ZNF804B: variants seen among roughly 807,000 people sequenced by gnomAD.
The protein encoded by ZNF804B is zinc finger protein 804B.
A neutral mutation model predicts 101.4 loss-of-function variants in ZNF804B; 80 were observed. The ratio of observed to expected loss-of-function variants is 0.79; its 90% CI spans 0.66 to 0.95. ZNF804B has a LOEUF of 0.95. Ranked by LOEUF, ZNF804B falls within the 40% of genes least tolerant of loss-of-function variation. The pLI is 0.00. For missense variants in ZNF804B, 1,673 were observed against 1,561.9 expected, an observed-to-expected ratio of 1.07 and a Z score of -1.20; for synonymous variants, 622 against 558.8, an observed-to-expected ratio of 1.11 and a Z score of -1.59.
intron 1 of ZNF804B, among the ~76,000 whole-genome samples, chr7:88,865,115 C>A (rs1791706905): frequency 6.6e-6 from 1 of 151,470 alleles, no homozygotes; most frequent in African/African-American, 2.4e-5. Context: ...GTAATCCCAG[C>A]TACTTGGGAG....
At chr7:89,002,619 T>A (rs1008394661) in intron 1 of ZNF804B, among the ~76,000 whole-genome samples, 3 of 151,900 alleles carry the variant, frequency 2.0e-5, no homozygotes, top group African/African-American at 7.2e-5. Context: ...GTAGTCATTT[T>A]ATCTACTATC....
At chr7:88,901,658 GA>G (rs981312114) in intron 1 of ZNF804B, among the ~76,000 whole-genome samples, 3 of 151,132 alleles carry the variant, frequency 2.0e-5, no homozygotes, top group Admixed American at 6.6e-5. Context: ...GAGAAAGAGA[GA>G]AAAAAAAGAG....
chr7:89,189,214 C>T (rs1208511816), intron 1 of ZNF804B, among the ~76,000 whole-genome samples: 2 of 152,218 alleles, frequency 1.3e-5, no homozygotes, highest in African/African-American at 4.8e-5. Context: ...CAACATTTTA[C>T]ATCATGGCTT....
chr7:88,948,393 C>T (rs1197872613), intron 1 of ZNF804B, among the ~76,000 whole-genome samples: 2 of 148,498 alleles, frequency 1.3e-5, no homozygotes, highest in Non-Finnish European at 3.0e-5. Context: ...CCATCGCAGC[C>T]TCAACCTCCA....
At chr7:88,830,228 T>C (rs1791111114) in intron 1 of ZNF804B, among the ~76,000 whole-genome samples, 1 of 152,142 alleles carries the variant, frequency 6.6e-6, no homozygotes, top group African/African-American at 2.4e-5. Context: ...TCAAATTATG[T>C]AATTAAAATG....
intron 1 of ZNF804B, among the ~76,000 whole-genome samples, chr7:88,860,405 T>C (rs1791628660): frequency 6.6e-6 from 1 of 152,150 alleles, no homozygotes; most frequent in Non-Finnish European, 1.5e-5. Context: ...ATACAATAAG[T>C]GAATTAAAAT....
At chr7:89,225,021 C>A (rs895747691) in intron 2 of ZNF804B, among the ~76,000 whole-genome samples, 1 of 152,054 alleles carries the variant, frequency 6.6e-6, no homozygotes, top group Admixed American at 6.6e-5. Flanking sequence ...CTGGCTATAG[C>A]TGACTGTTCC....
chr7:89,246,709 C>T (rs1789453026), intron 2 of ZNF804B, among the ~76,000 whole-genome samples: 1 of 152,150 alleles, frequency 6.6e-6, no homozygotes. Flanking sequence ...GATCTCCAGA[C>T]ATTCTGAGCA....
chr7:89,170,948 A>G (rs1791214731), intron 1 of ZNF804B, among the ~76,000 whole-genome samples: 1 of 152,188 alleles, frequency 6.6e-6, no homozygotes, highest in South Asian at 2.1e-4. Context: ...CAGCCCCAAA[A>G]CAAACATCTC....
intron 2 of ZNF804B, among the ~76,000 whole-genome samples, chr7:89,313,538 A>G (rs2115951037): frequency 6.6e-6 from 1 of 152,320 alleles, no homozygotes; most frequent in South Asian, 2.1e-4. Context: ...CCTAACACAT[A>G]GAGACTTACT....
intron 1 of ZNF804B, among the ~76,000 whole-genome samples, chr7:89,001,843 A>G (rs1383503433): frequency 6.6e-6 from 1 of 151,854 alleles, no homozygotes; most frequent in Admixed American, 6.6e-5. Flanking sequence ...TTTTTTGGGC[A>G]TTTTGAAAGT....
At chr7:88,919,166 C>G (rs1282602821) in intron 1 of ZNF804B, among the ~76,000 whole-genome samples, 1 of 152,020 alleles carries the variant, frequency 6.6e-6, no homozygotes, top group East Asian at 1.9e-4. Flanking sequence ...GCCTTTCTTC[C>G]CTACTTGGGG....
chr7:89,270,745 G>T (rs1175645248), intron 2 of ZNF804B, among the ~76,000 whole-genome samples: 1 of 152,120 alleles, frequency 6.6e-6, no homozygotes, highest in East Asian at 1.9e-4. Context: ...ATTTCGTTGA[G>T]CAATGGTTTG....
At chr7:89,206,096 C>G (rs1156571338) in intron 1 of ZNF804B, among the ~76,000 whole-genome samples, 6 of 152,218 alleles carry the variant, frequency 3.9e-5, no homozygotes, top group Non-Finnish European at 8.8e-5. Flanking sequence ...ACTTTGTCCA[C>G]TTTTAGCCAT....
rs773440162 is a variant in ZNF804B at position 88,852,329 on chromosome 7, G to A, written c.108+92245G>A. Among the ~76,000 whole-genome samples, 6 of 151,992 alleles carry A rather than the reference G, an allele frequency of 3.9e-5. No individual in the cohort carries two copies. In the East Asian group the frequency reaches 7.7e-4, roughly 20 times the overall value. ...GTCATGGTCAGAATAGTTGGTATTC[G>A]TTTGAGGATATTTTACTGATGTGTT... On this transcript the variant is annotated intron_variant, in intron 1 of 3. Transcript: ENST00000333190.
intron 1 of ZNF804B, among the ~76,000 whole-genome samples, chr7:89,183,070 A>C (rs1447144182): frequency 6.6e-6 from 1 of 152,202 alleles, no homozygotes; most frequent in Non-Finnish European, 1.5e-5. Flanking sequence ...TAGTTTTGGC[A>C]AAAGTGACCG....
rs145511515 is a variant in ZNF804B, at chr7:88,999,177, A to G, written c.109-218978A>G. Among the ~76,000 whole-genome samples the G allele has an allele frequency of 5.2e-3, 792 of 152,174 alleles. 3 individuals are homozygous for G. Among genetic ancestry groups the G allele is most frequent in the African/African-American group, 0.017 (724 of 41,560 alleles). ...AAAGGTGATGTTTTAGAGACTGTCA[A>G]ATTATTTTCAGAGACTCACACTAGA... On this transcript the variant is annotated intron_variant, in intron 1 of 3. Coordinates refer to ENST00000333190, the MANE Select transcript of ZNF804B (RefSeq NM_181646.5).
At chr7:88,923,797 T>A (rs1792757501) in intron 1 of ZNF804B, among the ~76,000 whole-genome samples, 1 of 152,122 alleles carries the variant, frequency 6.6e-6, no homozygotes, top group Non-Finnish European at 1.5e-5. Flanking sequence ...AAAATAGAAG[T>A]GACTTTAAGT....
rs144815588 is a variant in ZNF804B at position 89,287,683 on chromosome 7, A to G, written c.250-39661A>G. ...GTGAGATTCCATAGTACTAGATAAA[A>G]CAGTCAGACTAGGAGGCTGAGAAAT... is the stretch of plus-strand genomic sequence containing the variant. On this transcript the variant is annotated intron_variant, in intron 2 of 3. Coordinates refer to ENST00000333190, the MANE Select transcript of ZNF804B (RefSeq NM_181646.5). Among the ~76,000 whole-genome samples, 256 of 152,254 alleles carry G rather than the reference A, an allele frequency of 1.7e-3. 2 individuals carry two copies. Among genetic ancestry groups the G allele is most frequent in the African/African-American group, 5.8e-3 (239 of 41,552 alleles).
Sources: allele counts gnomAD v4.1 joint callset (sites outside exome capture counted in the v4.1 genomes callset), GRCh38; gene constraint gnomAD v4.1.1; transcripts MANE v1.5; gene names NCBI Gene and HGNC (gene_info 2026-07-23, HGNC 2026-07-21).